Variants in TM4SF4 observed in about 807,000 individuals in gnomAD.
TM4SF4 encodes transmembrane 4 L six family member 4.
TM4SF4 carries 24 observed loss-of-function variants against 24.1 expected under a neutral mutation model. The ratio of observed to expected loss-of-function variants is 1.00; its 90% confidence interval spans 0.72 to 1.40. The LOEUF is 1.40. Ranked by LOEUF, TM4SF4 falls within the 40% of genes most tolerant of loss-of-function variation. The pLI is 0.00. For missense variants in TM4SF4, 254 were observed against 254.2 expected, an observed-to-expected ratio of 1.00 and a Z score of 0.01; for synonymous variants, 113 against 97.0, an observed-to-expected ratio of 1.17 and a Z score of -0.97.
Position 149,498,483 on chromosome 3 carries a change from C to T in TM4SF4, c.402-239C>T, listed in dbSNP as rs550203791. Among the ~76,000 whole-genome samples, 9 of 152,266 alleles carry T rather than the reference C, an allele frequency of 5.9e-5. No homozygotes were observed. The South Asian group carries it at 1.9e-3, about 32-fold the overall frequency. On this transcript the variant is annotated intron_variant, in intron 3 of 4. Coordinates refer to ENST00000305354, the MANE Select transcript of TM4SF4 (RefSeq NM_004617.4). ...ACCGAAAAAGAGAACCCAGAGGTTT[C>T]TTTGGGGAATAAATGAGTGAATATG...
intron 1 of TM4SF4, 56 bp downstream of exon 1, chr3:149,475,107 T>C: frequency 6.5e-7 from 1 of 1,535,234 alleles, no homozygotes; most frequent in Non-Finnish European, 8.8e-7. Flanking sequence ...CCCACAATCC[T>C]TTTTAAATCA....
intron 3 of TM4SF4, among the ~76,000 whole-genome samples, chr3:149,492,508 C>T (rs1000797714): frequency 6.6e-6 from 1 of 152,094 alleles, no homozygotes; most frequent in African/African-American, 2.4e-5. Flanking sequence ...GCCATCCCTC[C>T]CTTGACCCTG....
rs958152983 is a variant in TM4SF4 at position 149,502,776 on chromosome 3, T to A, written c.*83T>A. ...AAACTTCTTCTCTTCTTGGAATTAT[T>A]AATTCCTATCTGCTTCCTAGCTGAT... On this transcript the variant is annotated 3_prime_UTR_variant, in exon 5 of 5. Transcript: ENST00000305354. 1.5e-5 allele frequency: 15 copies of A among 1,029,272 alleles called. No homozygotes were observed. Among genetic ancestry groups the A allele is most frequent in the African/African-American group, 3.2e-5 (2 of 62,984 alleles). 63.8% of individuals were successfully genotyped at this position (1,029,272 alleles called of 1,614,324 possible).
chr3:149,475,799 C>A (rs1267380793), intron 1 of TM4SF4, 24 bp from the exon 2 acceptor site: 1 of 1,588,448 alleles, frequency 6.3e-7, no homozygotes, highest in Non-Finnish European at 8.6e-7. Flanking sequence ...TGGACTCTCT[C>A]TGAGGTGCCT....
In TM4SF4 at chr3:149,498,760, G is replaced by A. The variant is rs367773065; in HGVS notation, c.440G>A (p.Arg147Gln). ...LNDEALWNKCREPLNVVPWNL... is the reference protein window; with the variant it reads ...LNDEALWNKCQEPLNVVPWNL... ...GATGAGGCCTTATGGAACAAGTGCC[G>A]AGAGCCTCTCAATGTGGTTCCCTGG... Residue 147 changes from arginine (R) to glutamine (Q), a missense_variant, in exon 4 of 5, where the codon CGA (arginine) becomes CAA (glutamine). Transcript: ENST00000305354. The A allele has an allele frequency of 6.6e-5, 106 of 1,613,814 alleles. 1 individual carries two copies. The East Asian group carries it at 2.3e-3, about 34-fold the overall frequency.
At chr3:149,497,507 A>G (rs1221345040) in intron 3 of TM4SF4, among the ~76,000 whole-genome samples, 2 of 152,254 alleles carry the variant, frequency 1.3e-5, no homozygotes, top group African/African-American at 2.4e-5. Context: ...TAAGGCTCTG[A>G]AAGGATGGAG....
At chr3:149,484,778 T>A (rs75287519) in intron 2 of TM4SF4, among the ~76,000 whole-genome samples, 61,533 of 151,912 alleles carry the variant, frequency 0.41, 12,946 homozygotes, top group Non-Finnish European at 0.47. Context: ...GGTCTGGAAC[T>A]CCTGACCTCG....
At chr3:149,495,912 C>T (rs1057350494) in intron 3 of TM4SF4, 4 of 217,184 alleles carry the variant, frequency 1.8e-5, no homozygotes, top group Non-Finnish European at 3.7e-5. Context: ...GACAGACAGT[C>T]GCTCTGGGTG....
At chr3:149,490,022 T>C (rs1057433732) in intron 3 of TM4SF4, among the ~76,000 whole-genome samples, 8 of 152,212 alleles carry the variant, frequency 5.3e-5, no homozygotes, top group Admixed American at 5.2e-4. Flanking sequence ...CAAAACCGTA[T>C]ATATCACAGT....
chr3:149,491,520 C>T lies in TM4SF4; in HGVS notation c.401+3765C>T, dbSNP rs567008804. 3.3e-5 allele frequency among the ~76,000 whole-genome samples: 5 copies of T among 151,904 alleles called. No homozygotes were observed. The East Asian group carries it at 9.7e-4, about 29-fold the overall frequency. ...ACAAAAATATATATATATACACACACACACATTTATATATCTACATATGCA... is the reference window on the plus strand; with the variant it reads ...ACAAAAATATATATATATACACACATACACATTTATATATCTACATATGCA... On this transcript the variant is annotated intron_variant, in intron 3 of 4. Transcript: ENST00000305354.
chr3:149,498,087 G>A (rs1262226204), intron 3 of TM4SF4, among the ~76,000 whole-genome samples: 1 of 152,154 alleles, frequency 6.6e-6, no homozygotes, highest in South Asian at 2.1e-4. Context: ...TTACATCTTT[G>A]TGTGTGAGAG....
chr3:149,492,607 G>T (rs1366996410), intron 3 of TM4SF4, among the ~76,000 whole-genome samples: 1 of 152,120 alleles, frequency 6.6e-6, no homozygotes, highest in Non-Finnish European at 1.5e-5. Flanking sequence ...TCAGTAGTCA[G>T]GGAGGGACGG....
intron 2 of TM4SF4, among the ~76,000 whole-genome samples, chr3:149,484,574 C>T (rs998464712): frequency 9.4e-4 from 120 of 128,164 alleles, no homozygotes; most frequent in Non-Finnish European, 1.2e-3. Flanking sequence ...TTTTTGGAGG[C>T]GGAGTCTCGT....
intron 4 of TM4SF4, 47 bp downstream of exon 4, chr3:149,498,958 G>A (rs766167673): frequency 4.4e-6 from 7 of 1,601,060 alleles, no homozygotes; most frequent in Non-Finnish European, 4.3e-6. Context: ...GGGAGGCCAG[G>A]TCAGGCCACT....
intron 2 of TM4SF4, among the ~76,000 whole-genome samples, chr3:149,477,308 G>A (rs1283096712): frequency 6.6e-6 from 1 of 152,168 alleles, no homozygotes; most frequent in Non-Finnish European, 1.5e-5. Flanking sequence ...ATATATTGAT[G>A]AGGCAGAAAT....
intron 2 of TM4SF4, among the ~76,000 whole-genome samples, chr3:149,485,887 G>A (rs532254070): frequency 1.4e-3 from 214 of 152,274 alleles, no homozygotes; most frequent in African/African-American, 5.0e-3. Context: ...AGAGTACAGG[G>A]GTTGGAAGAG....
In TM4SF4 at chr3:149,474,818, G is replaced by A. The variant is rs1277092007; in HGVS notation, c.-60G>A. ...TCTCTGGCCAAAAACCCTTGAAGAG[G>A]CCCCGTGAAGGAGGCAGTGAGGAGC... is the stretch of plus-strand genomic sequence containing the variant. On this transcript the variant is annotated 5_prime_UTR_variant, in exon 1 of 5. Coordinates refer to ENST00000305354, the MANE Select transcript of TM4SF4 (RefSeq NM_004617.4). The A allele has an allele frequency of 7.9e-6, 12 of 1,522,790 alleles. No individual in the cohort carries two copies. The highest frequency in any genetic ancestry group is 6.5e-5 in the South Asian group (5 of 76,456). The allele number at this position is 1,522,790 out of a possible 1,614,324, so 94.3% of individuals were successfully genotyped here.
intron 1 of TM4SF4, among the ~76,000 whole-genome samples, chr3:149,475,585 C>G (rs1453947260): frequency 6.6e-6 from 1 of 152,094 alleles, no homozygotes; most frequent in African/African-American, 2.4e-5. Context: ...TCTAACACAC[C>G]ATCTAAATGG....
chr3:149,491,640 T>G (rs890800111), intron 3 of TM4SF4, among the ~76,000 whole-genome samples: 2 of 152,076 alleles, frequency 1.3e-5, no homozygotes, highest in African/African-American at 4.8e-5. Flanking sequence ...ATCTCAAACA[T>G]GGAACAAAAA....
Sources: allele counts gnomAD v4.1 joint callset (sites outside exome capture counted in the v4.1 genomes callset), GRCh38; gene constraint gnomAD v4.1.1; transcripts MANE v1.5; gene names NCBI Gene and HGNC (gene_info 2026-07-23, HGNC 2026-07-21).